The following CLTA variants were observed in gnomAD, a reference collection of about 807,000 sequenced individuals.
CLTA encodes the protein clathrin, light polypeptide (Lca).
A neutral mutation model predicts 26.9 loss-of-function variants in CLTA; 9 were observed. The ratio of observed to expected loss-of-function variants is 0.33; its 90% CI spans 0.20 to 0.58. The LOEUF is 0.58. Among genes scored for constraint, CLTA ranks in the 20% least tolerant of loss-of-function variants. The probability of loss-of-function intolerance (pLI) is 0.85; values close to 1 mark genes in which losing one functional copy is unlikely to be tolerated. For synonymous variants in CLTA, 120 were observed against 115.5 expected (o/e 1.04, Z -0.25); for missense variants, 278 against 294.2 (o/e 0.94, Z 0.40).
At chr9:36,194,277 T>G (rs1826905873) in intron 1 of CLTA, among the ~76,000 whole-genome samples, 1 of 152,224 alleles carries the variant, frequency 6.6e-6, no homozygotes, top group South Asian at 2.1e-4. Context: ...GCCACCCGCC[T>G]TGGCCTCCCA....
In CLTA at chr9:36,198,993, AACAG is replaced by A. The variant is rs1309400532; in HGVS notation, c.275_278del (p.Asp92ValfsTer48). On this transcript the variant is annotated frameshift_variant, in exon 3 of 5. Coordinates refer to ENST00000345519, the MANE Select transcript of CLTA (RefSeq NM_001833.4). LOFTEE classifies it high-confidence loss of function. Reference sequence around the variant, plus strand: ...TTTGTGTTAAGGAAAGTAATGGTCCAACAGACAGTTATGCAGCTATTTCACAAGT... The same window carrying A: ...TTTGTGTTAAGGAAAGTAATGGTCCAACAGTTATGCAGCTATTTCACAAGT... 6.2e-7 allele frequency: 1 copy of A among 1,613,048 alleles called. No individual in the cohort carries two copies. Among genetic ancestry groups the A allele is most frequent in the Non-Finnish European group, 8.5e-7 (1 of 1,179,148 alleles).
rs78253255 is a variant in CLTA at position 36,195,459 on chromosome 9, G to T, written c.218-2092G>T. Among the ~76,000 whole-genome samples the T allele has an allele frequency of 5.1e-3, 770 of 152,042 alleles. 43 individuals carry two copies. In the East Asian group the frequency reaches 0.13, roughly 26 times the overall value. On this transcript the variant is annotated intron_variant, in intron 1 of 4. Transcript: ENST00000345519. ...AAGAAGAAAATCAGGTGTCGGGTAT[G>T]TGATTACCTCACTGGAAATAAGATT...
At chr9:36,197,090 G>C (rs556660177) in intron 1 of CLTA, among the ~76,000 whole-genome samples, 46 of 152,290 alleles carry the variant, frequency 3.0e-4, no homozygotes, top group African/African-American at 1.1e-3. Context: ...TGGGAGGTTC[G>C]CTTGAGCCCA....
intron 1 of CLTA, among the ~76,000 whole-genome samples, chr9:36,194,353 AGAGACATGGGTGAATTAAAGGGAAG>A (rs766589800): frequency 1.5e-4 from 23 of 152,350 alleles, no homozygotes; most frequent in Non-Finnish European, 2.9e-4. Context: ...AGGAGAAGAA[AGAGACATGGGTGAATTAAAGGGAAG>A]CTTTCTGGAG....
chr9:36,195,702 C>T (rs10814356), intron 1 of CLTA, among the ~76,000 whole-genome samples: 14,688 of 152,214 alleles, frequency 0.096, 756 homozygotes, highest in East Asian at 0.17. Context: ...TGCGGTGGCT[C>T]ACGCCTGAAA....
intron 4 of CLTA, among the ~76,000 whole-genome samples, chr9:36,206,986 G>A (rs188525082): frequency 2.0e-5 from 3 of 152,302 alleles, no homozygotes; most frequent in East Asian, 3.9e-4. Context: ...ATGTTAAGGG[G>A]ACCCGAGAGA....
intron 4 of CLTA, among the ~76,000 whole-genome samples, chr9:36,204,607 A>G (rs1359556543): frequency 1.3e-5 from 2 of 152,196 alleles, no homozygotes; most frequent in African/African-American, 4.8e-5. Flanking sequence ...TGGCAGGAAT[A>G]TGTGCTTTGT....
At position 36,212,007 on chromosome 9, in the gene CLTA, C is replaced by T. The variant is rs1828077568; in HGVS notation, c.*233C>T. 1 of 674,446 alleles carries T rather than the reference C, an allele frequency of 1.5e-6. No homozygotes were observed. The highest frequency in any genetic ancestry group is 1.8e-5 in the African/African-American group (1 of 56,390). 41.8% of individuals were successfully genotyped at this position (674,446 alleles called of 1,614,324 possible). A position where few individuals can be genotyped will look rare whatever the true frequency, so the allele number is the denominator to read the frequency against. On this transcript the variant is annotated 3_prime_UTR_variant, in exon 5 of 5. Transcript: ENST00000345519. ...GAGGGAAGCTTCCCAAGAGTAGCCT[C>T]AACCTGTGCTTCTGTGCATTATTCT...
chr9:36,197,715 G>T (rs1008897347), intron 2 of CLTA, 127 bp downstream of exon 2: 2 of 670,308 alleles, frequency 3.0e-6, no homozygotes, highest in Non-Finnish European at 5.2e-6. Context: ...TGGCTGGTGT[G>T]TTATCTACCA....
chr9:36,212,055 C>A lies in CLTA; in HGVS notation c.*281C>A. Reference sequence around the variant, plus strand: ...TCTGAGAATAAATTTCTGTTTCAAACTGTATTATGTGAAGCTTCTTTATTG... The same window carrying A: ...TCTGAGAATAAATTTCTGTTTCAAAATGTATTATGTGAAGCTTCTTTATTG... On this transcript the variant is annotated 3_prime_UTR_variant, in exon 5 of 5. Coordinates refer to ENST00000345519, the MANE Select transcript of CLTA (RefSeq NM_001833.4). The A allele has an allele frequency of 1.9e-6, 1 of 540,536 alleles. No individual in the cohort carries two copies. Among genetic ancestry groups the A allele is most frequent in the Non-Finnish European group, 3.4e-6 (1 of 290,916 alleles). 33.5% of individuals were successfully genotyped at this position (540,536 alleles called of 1,614,324 possible). A position where few individuals can be genotyped will look rare whatever the true frequency, so the allele number is the denominator to read the frequency against.
Position 36,211,725 on chromosome 9 carries a change from G to A in CLTA, c.608G>A (p.Arg203His), listed in dbSNP as rs376238055. The A allele has an allele frequency of 4.3e-6, 7 of 1,613,916 alleles. No homozygotes were observed. Among genetic ancestry groups the A allele is most frequent in the African/African-American group, 4.0e-5 (3 of 74,916 alleles). Residue 203 changes from arginine to histidine, a missense_variant, in exon 5 of 5, where the codon CGC (arginine) becomes CAC (histidine). By Grantham distance (29) the Arg-to-His change is conservative (BLOSUM62 0). Transcript: ENST00000345519. Reference sequence around the variant, plus strand: ...AGCAAGCAGGCCAAAGATGTCTCCCGCATGCGCTCAGTCCTCATCTCCCTC... The same window carrying A: ...AGCAAGCAGGCCAAAGATGTCTCCCACATGCGCTCAGTCCTCATCTCCCTC... The part of the protein sequence containing the change: ...KSSKQAKDVS[R>H]MRSVLISLKQ...
chr9:36,197,616 G>T, intron 2 of CLTA, 28 bp downstream of exon 2: 1 of 1,529,568 alleles, frequency 6.5e-7, no homozygotes, highest in Non-Finnish European at 9.0e-7. Flanking sequence ...TCTGTTCATT[G>T]ATAGTGATTG....
intron 2 of CLTA, 105 bp from the exon 3 acceptor site, chr9:36,198,874 C>CAA (rs374265014): frequency 0.037 from 16,591 of 449,214 alleles, 25 homozygotes; most frequent in South Asian, 0.058. Flanking sequence ...AACTCTGTCT[C>CAA]AAAAAAAAAA....
rs1470052761 is a variant in CLTA at position 36,203,730 on chromosome 9, T to TA, written c.374-336dup. ...GCCCAGAAGGCTTTTTTCCTATTAA[T>TA]AATAGAAGTCAGTATTTCCACATAC... On this transcript the variant is annotated intron_variant, in intron 3 of 4. Coordinates refer to ENST00000345519, the MANE Select transcript of CLTA (RefSeq NM_001833.4). Among the ~76,000 whole-genome samples the TA allele has an allele frequency of 3.9e-5, 6 of 152,360 alleles. No individual in the cohort carries two copies. The South Asian group carries it at 6.2e-4, about 16-fold the overall frequency.
At chr9:36,197,501 C>G in intron 1 of CLTA, 50 bp from the exon 2 acceptor site, 2 of 1,364,782 alleles carry the variant, frequency 1.5e-6, no homozygotes, top group Non-Finnish European at 2.1e-6. Context: ...ACCCTTTGGC[C>G]CAGTGTTTGA....
chr9:36,196,282 C>CAAAA (rs200848535), intron 1 of CLTA, among the ~76,000 whole-genome samples: 1 of 116,392 alleles, frequency 8.6e-6, no homozygotes. Flanking sequence ...GACTCTCTCT[C>CAAAA]AAAAAAAAAT....
chr9:36,198,142 G>T (rs1371734605), intron 2 of CLTA, among the ~76,000 whole-genome samples: 1 of 151,706 alleles, frequency 6.6e-6, no homozygotes, highest in Non-Finnish European at 1.5e-5. Context: ...AATTACAGGC[G>T]CATGCCACCA....
intron 3 of CLTA, among the ~76,000 whole-genome samples, chr9:36,202,394 G>A (rs1827467711): frequency 6.6e-6 from 1 of 151,596 alleles, no homozygotes; most frequent in African/African-American, 2.4e-5. Context: ...ACTTGACACC[G>A]CTACTGCTAT....
intron 2 of CLTA, 38 bp downstream of exon 2, chr9:36,197,626 G>T: frequency 6.7e-7 from 1 of 1,486,482 alleles, no homozygotes; most frequent in South Asian, 1.2e-5. Flanking sequence ...GATAGTGATT[G>T]AGAATCTTCC....
Sources: gnomAD v4.1 joint callset for allele counts (sites outside exome capture counted in the v4.1 genomes callset) on GRCh38, gnomAD v4.1.1 for gene constraint, MANE v1.5 for transcripts, NCBI Gene and HGNC (gene_info 2026-07-23, HGNC 2026-07-21) for gene names.